Variants in CDH4 observed in about 807,000 individuals in gnomAD.
CDH4 encodes the protein cadherin 4, also known as cadherin-4.
In CDH4, 33 loss-of-function variants were observed where a neutral mutation model predicts 86.0. The ratio of observed to expected loss-of-function variants is 0.38; its 90% CI spans 0.29 to 0.51. The LOEUF (loss-of-function observed/expected upper bound fraction) is 0.51. Among genes scored for constraint, CDH4 ranks in the 20% least tolerant of loss-of-function variants. The pLI, the probability that CDH4 is intolerant of heterozygous loss-of-function variation, is 0.86. For synonymous variants in CDH4, 555 were observed against 549.4 expected (o/e 1.01, Z -0.14); for missense variants, 1,114 against 1,307.4 (o/e 0.85, Z 2.28).
intron 2 of CDH4, among the ~76,000 whole-genome samples, chr20:61,526,381 C>T (rs929619953): frequency 3.3e-5 from 5 of 152,084 alleles, no homozygotes; most frequent in East Asian, 1.9e-4. Flanking sequence ...GGAGGCAGCC[C>T]GCCCAGGTGA....
At chr20:61,790,883 C>T (rs896074230) in intron 4 of CDH4, among the ~76,000 whole-genome samples, 7 of 151,352 alleles carry the variant, frequency 4.6e-5, no homozygotes, top group Non-Finnish European at 8.8e-5. Context: ...ATCCATCCTT[C>T]CACCCACCTA....
intron 2 of CDH4, among the ~76,000 whole-genome samples, chr20:61,404,677 C>T (rs1050241081): frequency 6.6e-6 from 1 of 151,456 alleles, no homozygotes; most frequent in Non-Finnish European, 1.5e-5. Flanking sequence ...AAATGTGAAA[C>T]ATCCCGAGGC....
intron 2 of CDH4, among the ~76,000 whole-genome samples, chr20:61,504,537 A>C (rs1341644612): frequency 6.6e-6 from 1 of 152,152 alleles, no homozygotes; most frequent in Non-Finnish European, 1.5e-5. Context: ...GTGACTGCCC[A>C]AGATCCCACC....
intron 2 of CDH4, among the ~76,000 whole-genome samples, chr20:61,695,787 C>G (rs949911250): frequency 9.2e-5 from 14 of 152,232 alleles, no homozygotes; most frequent in Admixed American, 2.6e-4. Context: ...GAATTTGCAC[C>G]AACCTCCTTC....
Position 61,754,655 on chromosome 20 carries a change from C to T in CDH4, c.396+10866C>T, listed in dbSNP as rs536024287. Reference sequence around the variant, plus strand: ...ACACACACACGCCCCACACACCACACGCACACACGCCCCGCACACACTATG... The same window carrying T: ...ACACACACACGCCCCACACACCACATGCACACACGCCCCGCACACACTATG... On this transcript the variant is annotated intron_variant, in intron 3 of 15. Coordinates refer to ENST00000614565, the MANE Select transcript of CDH4 (RefSeq NM_001794.5). The surrounding 1 kb of genome is among the most constrained non-coding windows in gnomAD (Gnocchi z 4.7). Among the ~76,000 whole-genome samples, 32 of 150,740 alleles carry T rather than the reference C, an allele frequency of 2.1e-4. 1 individual carries two copies. In the South Asian group the frequency reaches 6.1e-3, roughly 29 times the overall value.
intron 2 of CDH4, among the ~76,000 whole-genome samples, chr20:61,505,812 G>A (rs1421248869): frequency 6.6e-6 from 1 of 151,532 alleles, no homozygotes; most frequent in South Asian, 2.1e-4. Context: ...TCCTCACGCT[G>A]CTTATGTTAA....
rs1228602020 is a variant in CDH4, at chr20:61,565,222, AGGTGGTGGTGGT to A, written c.170-178332_170-178321del. Among the ~76,000 whole-genome samples the A allele has an allele frequency of 1.2e-3, 13 of 10,708 alleles. 4 individuals are homozygous for A. In the East Asian group the frequency reaches 0.017, roughly 14 times the overall value. The allele number at this position is 10,708 out of a possible 152,430, so 7.0% of individuals were successfully genotyped here. On this transcript the variant is annotated intron_variant, in intron 2 of 15. Coordinates refer to ENST00000614565, the MANE Select transcript of CDH4 (RefSeq NM_001794.5). ...TGGTGGTCGCGGTGCTCTCGGTGGT[AGGTGGTGGTGGT>A]GGTGGTGGCGGTGCTCTTGGTGATG...
chr20:61,883,240 C>T (rs1984374948), intron 7 of CDH4, among the ~76,000 whole-genome samples: 2 of 152,038 alleles, frequency 1.3e-5, no homozygotes, highest in Non-Finnish European at 2.9e-5. Context: ...TAATGTAGTG[C>T]ACTGAGTGCC....
chr20:61,927,721 C>T (rs1361980270), intron 11 of CDH4, among the ~76,000 whole-genome samples: 2 of 152,264 alleles, frequency 1.3e-5, no homozygotes, highest in Non-Finnish European at 2.9e-5. Context: ...CCGCAGAACC[C>T]CTCCCTGGCT....
intron 4 of CDH4, among the ~76,000 whole-genome samples, chr20:61,794,163 A>T: frequency 6.7e-6 from 1 of 150,180 alleles, no homozygotes; most frequent in Middle Eastern, 3.5e-3. Flanking sequence ...AAAAAGAATG[A>T]GCCTGAAATA....
chr20:61,777,984 GCACA>G (rs1277395987), intron 4 of CDH4, among the ~76,000 whole-genome samples: 1 of 152,006 alleles, frequency 6.6e-6, no homozygotes, highest in East Asian at 1.9e-4. Context: ...ACATCCACAT[GCACA>G]CACACGTGCA....
intron 2 of CDH4, among the ~76,000 whole-genome samples, chr20:61,290,128 G>A (rs13039268): frequency 2.2e-3 from 1 of 450 alleles, no homozygotes; most frequent in Admixed American, 0.014. Flanking sequence ...GTTTATCCCC[G>A]TATCCAATGA....
intron 2 of CDH4, among the ~76,000 whole-genome samples, chr20:61,612,895 T>C (rs1166358627): frequency 6.6e-6 from 1 of 152,142 alleles, no homozygotes; most frequent in Non-Finnish European, 1.5e-5. Context: ...GCCGTTTCTC[T>C]GCCTAATGTC....
Position 61,283,500 on chromosome 20 carries a change from G to A in CDH4, c.169+28563G>A, listed in dbSNP as rs201247348. 3.5e-3 allele frequency among the ~76,000 whole-genome samples: 121 copies of A among 34,534 alleles called. 11 individuals are homozygous for A. The highest frequency in any genetic ancestry group is 5.1e-3 in the East Asian group (2 of 392). 22.7% of individuals were successfully genotyped at this position (34,534 alleles called of 152,430 possible). A position where few individuals can be genotyped will look rare whatever the true frequency, so the allele number is the denominator to read the frequency against. On this transcript the variant is annotated intron_variant, in intron 2 of 15. Coordinates refer to ENST00000614565, the MANE Select transcript of CDH4 (RefSeq NM_001794.5). ...TGTGGTGTGTGATGTAGGTGCATTT[G>A]CACGCGTGTGCTGTGGTGTGTGATG...
intron 4 of CDH4, among the ~76,000 whole-genome samples, chr20:61,800,339 T>C (rs1042287428): frequency 6.6e-6 from 1 of 152,194 alleles, no homozygotes; most frequent in African/African-American, 2.4e-5. Flanking sequence ...GCCGACTCTT[T>C]GCCCCCTCCT....
chr20:61,524,276 C>T (rs577050119), intron 2 of CDH4, among the ~76,000 whole-genome samples: 1 of 152,248 alleles, frequency 6.6e-6, no homozygotes, highest in South Asian at 2.1e-4. Flanking sequence ...TTTAAAAATA[C>T]CCAAAGGAGG....
intron 2 of CDH4, among the ~76,000 whole-genome samples, chr20:61,262,014 G>A (rs762062690): frequency 1.3e-5 from 2 of 152,192 alleles, no homozygotes; most frequent in Admixed American, 6.5e-5. Context: ...TGGGGAAGCC[G>A]GGCAGAGAGG....
chr20:61,379,012 G>A (rs1240097017), intron 2 of CDH4, among the ~76,000 whole-genome samples: 1 of 152,166 alleles, frequency 6.6e-6, no homozygotes, highest in Non-Finnish European at 1.5e-5. Flanking sequence ...CTTTAAGCAA[G>A]TTTGCAATCA....
intron 2 of CDH4, among the ~76,000 whole-genome samples, chr20:61,346,242 G>T (rs920863549): frequency 3.9e-5 from 6 of 152,058 alleles, no homozygotes; most frequent in African/African-American, 1.4e-4. Context: ...CTGAGACCAG[G>T]ATAGTCAGGA....
Sources: gnomAD v4.1 joint callset for allele counts (sites outside exome capture counted in the v4.1 genomes callset) on GRCh38, gnomAD v4.1.1 for gene constraint, Gnocchi (gnomAD v3.1) non-coding constraint, MANE v1.5 for transcripts, NCBI Gene and HGNC (gene_info 2026-07-23, HGNC 2026-07-21) for gene names.